Variants in NEDD4L observed in about 807,000 individuals in gnomAD.
The protein encoded by NEDD4L is NEDD4 like E3 ubiquitin protein ligase.
A neutral mutation model predicts 148.9 loss-of-function variants in NEDD4L; 54 were observed. The observed-to-expected ratio is 0.36, with a 90% CI of 0.29 to 0.45. NEDD4L has a LOEUF of 0.45. Among genes scored for constraint, NEDD4L ranks in the 20% least tolerant of loss-of-function variants. NEDD4L has a pLI of 1.00. For missense variants in NEDD4L, 856 were observed against 1,233.8 expected (o/e 0.69, Z 4.59); for synonymous variants, 433 against 440.7 (o/e 0.98, Z 0.22).
At chr18:58,382,757 T>C (rs1485987563) in intron 24 of NEDD4L, among the ~76,000 whole-genome samples, 2 of 152,238 alleles carry the variant, frequency 1.3e-5, no homozygotes, top group African/African-American at 4.8e-5. Context: ...CAGATAAATC[T>C]GTCTCTTCAG....
At chr18:58,329,613 C>T (rs1388241433) in intron 10 of NEDD4L, among the ~76,000 whole-genome samples, 6 of 151,884 alleles carry the variant, frequency 4.0e-5, no homozygotes, top group Non-Finnish European at 7.4e-5. Flanking sequence ...CTGCCTCAGC[C>T]TCCTAAAGTG....
chr18:58,288,417 T>TCCACATATATGTGGACATATATGTGGAC, intron 5 of NEDD4L, among the ~76,000 whole-genome samples: 1 of 152,352 alleles, frequency 6.6e-6, no homozygotes, highest in Admixed American at 6.5e-5. Flanking sequence ...GACATATAAG[T>TCCACATATATGTGGACATATATGTGGAC]ATCAGACAGT....
chr18:58,267,099 T>A (rs998604631), intron 5 of NEDD4L, among the ~76,000 whole-genome samples: 8 of 152,088 alleles, frequency 5.3e-5, no homozygotes, highest in Non-Finnish European at 1.2e-4. Context: ...GGAAATTTCA[T>A]TCATTCAGTC....
intron 5 of NEDD4L, among the ~76,000 whole-genome samples, chr18:58,270,959 G>A (rs1189492507): frequency 2.0e-5 from 3 of 152,042 alleles, no homozygotes; most frequent in South Asian, 2.1e-4. Context: ...TTTTACTCTC[G>A]TCCTCCTGGA....
intron 1 of NEDD4L, among the ~76,000 whole-genome samples, chr18:58,066,499 A>C (rs2082603926): frequency 7.1e-6 from 1 of 140,726 alleles, no homozygotes; most frequent in African/African-American, 2.6e-5. Flanking sequence ...TTGTATTTTT[A>C]GTAGAGACGG....
At chr18:58,229,944 G>A (rs1019699549) in intron 2 of NEDD4L, among the ~76,000 whole-genome samples, 13 of 152,058 alleles carry the variant, frequency 8.5e-5, no homozygotes, top group African/African-American at 2.9e-4. Flanking sequence ...AGCCGAGATC[G>A]TGCCACTGCA....
chr18:58,397,252 G>A lies in NEDD4L; in HGVS notation c.*983G>A, dbSNP rs886956866. 3.9e-5 allele frequency: 6 copies of A among 152,622 alleles called. No homozygotes were observed. The highest frequency in any genetic ancestry group is 1.4e-4 in the African/African-American group (6 of 41,446). 9.5% of individuals were successfully genotyped at this position (152,622 alleles called of 1,614,324 possible). ...ACCAGATCTGTTTAGTCTCCTGTTT[G>A]TATGCGTTTGCTAATGGTAGCTAAA... On this transcript the variant is annotated 3_prime_UTR_variant, in exon 31 of 31. Transcript: ENST00000400345.
intron 26 of NEDD4L, 23 bp from the exon 27 acceptor site, chr18:58,387,416 G>C (rs1181054543): frequency 6.6e-7 from 1 of 1,509,606 alleles, no homozygotes; most frequent in East Asian, 2.4e-5. Context: ...AGGTGTTTAA[G>C]ATGTTTTTTT....
chr18:58,161,307 A>G (rs1173334125), intron 1 of NEDD4L, among the ~76,000 whole-genome samples: 1 of 152,234 alleles, frequency 6.6e-6, no homozygotes, highest in Non-Finnish European at 1.5e-5. Context: ...CTGGGATTAC[A>G]GGCATGAGCC....
chr18:58,161,135 A>G (rs1303250197), intron 1 of NEDD4L, among the ~76,000 whole-genome samples: 2 of 151,968 alleles, frequency 1.3e-5, no homozygotes, highest in East Asian at 1.9e-4. Flanking sequence ...TCCTGCCTCC[A>G]TTCTCCTGCC....
intron 1 of NEDD4L, chr18:58,046,265 C>T (rs569032137): frequency 2.0e-5 from 3 of 152,130 alleles, no homozygotes; most frequent in African/African-American, 4.8e-5. Context: ...CTTCTCCTCT[C>T]CCTCCTGGCT....
At chr18:58,291,870 T>A (rs927868743) in intron 5 of NEDD4L, among the ~76,000 whole-genome samples, 10 of 152,110 alleles carry the variant, frequency 6.6e-5, no homozygotes, top group Admixed American at 6.6e-4. Flanking sequence ...TTCCTCTCCC[T>A]CCAGCCTTCC....
rs549548755 is a variant in NEDD4L, at chr18:58,262,691, A to G, written c.297+10637A>G. The stretch of plus-strand genomic sequence containing the variant: ...TCTCAGTGAGCATGTTGAATGCATA[A>G]TGTTCTCACTGGAGTTCTCCTTTGG... On this transcript the variant is annotated intron_variant, in intron 5 of 30. Transcript: ENST00000400345. Among the ~76,000 whole-genome samples, 5 of 151,838 alleles carry G rather than the reference A, an allele frequency of 3.3e-5. No homozygotes were observed. The South Asian group carries it at 6.3e-4, about 19-fold the overall frequency.
chr18:58,062,711 A>G (rs1476033684), intron 1 of NEDD4L, among the ~76,000 whole-genome samples: 1 of 152,208 alleles, frequency 6.6e-6, no homozygotes, highest in Admixed American at 6.5e-5. Flanking sequence ...GGGTTGGGCC[A>G]GGGACGGTGG....
intron 28 of NEDD4L, 43 bp from the exon 29 acceptor site, chr18:58,390,603 G>A: frequency 8.0e-7 from 1 of 1,248,896 alleles, no homozygotes; most frequent in Non-Finnish European, 1.2e-6. Context: ...CATGTGCCAT[G>A]GGTCACGTGG....
chr18:58,332,267 G>A (rs9944723), intron 11 of NEDD4L, among the ~76,000 whole-genome samples: 50,703 of 151,984 alleles, frequency 0.33, 8,896 homozygotes, highest in Middle Eastern at 0.45. Flanking sequence ...CAAATACAAT[G>A]TTGTATTATT....
rs111673296 is a variant in NEDD4L, at chr18:58,183,671, C to T, written c.122+17810C>T. ...CGCATGGGCCTGTAAATAGCTTTTT[C>T]GTGCACTTGTGGGTGTCATTTCAGA... On this transcript the variant is annotated intron_variant, in intron 2 of 30. Coordinates refer to ENST00000400345, the MANE Select transcript of NEDD4L (RefSeq NM_001144967.3). 4.5e-3 allele frequency among the ~76,000 whole-genome samples: 678 copies of T among 152,320 alleles called. 4 individuals carry two copies. Among genetic ancestry groups the T allele is most frequent in the African/African-American group, 0.015 (643 of 41,576 alleles).
chr18:58,166,696 A>G (rs957732459), intron 2 of NEDD4L, among the ~76,000 whole-genome samples: 27 of 152,156 alleles, frequency 1.8e-4, no homozygotes, highest in African/African-American at 6.5e-4. Flanking sequence ...TCCTGCCTCT[A>G]CCCAGTACAT....
At chr18:58,054,820 A>G (rs1407987793) in intron 1 of NEDD4L, 1 of 152,232 alleles carries the variant, frequency 6.6e-6, no homozygotes, top group African/African-American at 2.4e-5. Context: ...AGGGAGCTGA[A>G]CTTCCCATGT....
Sources: allele counts gnomAD v4.1 joint callset (sites outside exome capture counted in the v4.1 genomes callset), GRCh38; gene constraint gnomAD v4.1.1; transcripts MANE v1.5; gene names NCBI Gene and HGNC (gene_info 2026-07-23, HGNC 2026-07-21).